Variants in SOX5 observed in about 807,000 individuals in gnomAD.
SOX5 encodes SRY-box transcription factor 5, also known as transcription factor SOX-5.
SOX5 carries 9 observed loss-of-function variants against 92.0 expected under a neutral mutation model. The observed-to-expected ratio is 0.10, with a 90% CI of 0.06 to 0.17. SOX5 has a LOEUF of 0.17. Ranked by LOEUF, SOX5 falls within the 10% of genes least tolerant of loss-of-function variation. The pLI is 1.00. For missense variants in SOX5, 642 were observed against 944.5 expected (o/e 0.68, Z 4.20); for synonymous variants, 344 against 336.3 (o/e 1.02, Z -0.25).
At position 23,543,308 on chromosome 12, in the gene SOX5, A is replaced by T. The variant is rs771503938; in HGVS notation, c.1674T>A (p.Arg558=). 6.2e-7 allele frequency: 1 copy of T among 1,613,844 alleles called. No individual in the cohort carries two copies. Among genetic ancestry groups the T allele is most frequent in the Admixed American group, 1.7e-5 (1 of 60,020 alleles). ...GRGSNEPHIK[R]PMNAFMVWAK... Reference sequence around the variant, plus strand: ...CCCACACCATGAAGGCATTCATTGGACGCTTTATGTGGGGTTCATTGCTAC... The same window carrying T: ...CCCACACCATGAAGGCATTCATTGGTCGCTTTATGTGGGGTTCATTGCTAC... Residue 558 remains arginine, a synonymous_variant, in exon 13 of 15, where the codon CGT becomes CGA. Transcript: ENST00000451604.
At chr12:23,958,886 T>C (rs1318809596) in intron 4 of SOX5, among the ~76,000 whole-genome samples, 1 of 151,832 alleles carries the variant, frequency 6.6e-6, no homozygotes, top group Non-Finnish European at 1.5e-5. Flanking sequence ...AAAAGTAATA[T>C]GTAGAAATCA....
chr12:24,234,491 C>T (rs771238040), intron 3 of SOX5, among the ~76,000 whole-genome samples: 43 of 152,230 alleles, frequency 2.8e-4, no homozygotes, highest in Non-Finnish European at 4.7e-4. Flanking sequence ...AATTTTCCTG[C>T]CTCAGCCTCC....
chr12:23,548,758 A>G (rs1238927758), intron 11 of SOX5, among the ~76,000 whole-genome samples: 1 of 152,090 alleles, frequency 6.6e-6, no homozygotes, highest in Non-Finnish European at 1.5e-5. Flanking sequence ...AACTGATCCT[A>G]TAAAGCTGAC....
intron 1 of SOX5, among the ~76,000 whole-genome samples, chr12:24,400,859 A>G (rs1020606767): frequency 9.2e-5 from 14 of 152,222 alleles, no homozygotes; most frequent in Non-Finnish European, 4.4e-5. Flanking sequence ...CTAATAGGCA[A>G]ATGACTTTAT....
intron 1 of SOX5, among the ~76,000 whole-genome samples, chr12:24,429,538 A>G (rs977171135): frequency 1.3e-5 from 2 of 152,150 alleles, no homozygotes; most frequent in Admixed American, 6.6e-5. Flanking sequence ...GGAAGCTTCC[A>G]TATAAAATAA....
At chr12:24,304,430 T>C in intron 2 of SOX5, among the ~76,000 whole-genome samples, 1 of 152,144 alleles carries the variant, frequency 6.6e-6, no homozygotes, top group Non-Finnish European at 1.5e-5. Flanking sequence ...AGGAGGAATA[T>C]CTTCAGTGCT....
chr12:23,993,908 TATGTATGC>T (rs1470651968), intron 4 of SOX5, among the ~76,000 whole-genome samples: 24 of 132,386 alleles, frequency 1.8e-4, no homozygotes, highest in Middle Eastern at 4.0e-3. Context: ...TGTATGTATG[TATGTATGC>T]ATGTATGCAT....
chr12:24,377,088 C>T lies in SOX5; in HGVS notation c.-250-8449G>A, dbSNP rs1400991384. ...TTACAGATGTAGATTTGTCATGTTC[C>T]GCATCATTCATCTGACTGAAAACCA... On this transcript the variant is annotated intron_variant, in intron 1 of 4. Coordinates refer to the SOX5 transcript ENST00000446891. Among the ~76,000 whole-genome samples, 7 of 152,048 alleles carry T rather than the reference C, an allele frequency of 4.6e-5. No individual in the cohort carries two copies. The East Asian group carries it at 5.8e-4, about 13-fold the overall frequency.
intron 2 of SOX5, among the ~76,000 whole-genome samples, chr12:23,874,437 T>G (rs1385977510): frequency 1.3e-5 from 2 of 152,138 alleles, no homozygotes; most frequent in Non-Finnish European, 2.9e-5. Context: ...GAAATCTCTG[T>G]GACTTTTGAG....
chr12:24,161,372 T>A (rs2138988392), intron 4 of SOX5, among the ~76,000 whole-genome samples: 1 of 152,182 alleles, frequency 6.6e-6, no homozygotes, highest in Non-Finnish European at 1.5e-5. Flanking sequence ...AGCAGAAATG[T>A]CACATAGGCC....
intron 4 of SOX5, among the ~76,000 whole-genome samples, chr12:24,198,626 G>A (rs1441662629): frequency 6.6e-6 from 1 of 152,058 alleles, no homozygotes; most frequent in Admixed American, 6.5e-5. Flanking sequence ...TTTCACATTT[G>A]GGTCACAAGC....
At chr12:23,585,995 C>A (rs988211725) in intron 9 of SOX5, among the ~76,000 whole-genome samples, 6 of 152,076 alleles carry the variant, frequency 3.9e-5, no homozygotes, top group Non-Finnish European at 5.9e-5. Flanking sequence ...AATACGGCCT[C>A]CTTAAGCCCC....
intron 4 of SOX5, among the ~76,000 whole-genome samples, chr12:23,744,131 T>C (rs1203157879): frequency 6.6e-6 from 1 of 152,090 alleles, no homozygotes; most frequent in East Asian, 1.9e-4. Context: ...TAGCTAACCT[T>C]TTCTTCTCAA....
intron 6 of SOX5, among the ~76,000 whole-genome samples, chr12:23,684,938 G>A (rs994183326): frequency 6.6e-6 from 1 of 152,032 alleles, no homozygotes; most frequent in African/African-American, 2.4e-5. Context: ...GAAAAGTGTG[G>A]GCTGAGCATA....
chr12:23,814,148 G>A (rs1328203246), intron 3 of SOX5, among the ~76,000 whole-genome samples: 1 of 152,096 alleles, frequency 6.6e-6, no homozygotes, highest in Non-Finnish European at 1.5e-5. Flanking sequence ...GTAATAAAAA[G>A]AATGAGAAAA....
At chr12:24,016,396 C>T (rs2136612372) in intron 4 of SOX5, among the ~76,000 whole-genome samples, 1 of 152,102 alleles carries the variant, frequency 6.6e-6, no homozygotes, top group East Asian at 1.9e-4. Context: ...TACAGCTGCA[C>T]ATACTTGAGA....
chr12:24,395,234 G>A (rs1959609213), intron 1 of SOX5, among the ~76,000 whole-genome samples: 1 of 151,440 alleles, frequency 6.6e-6, no homozygotes, highest in East Asian at 1.9e-4. Context: ...TAAGGATGGA[G>A]AACACAGATC....
chr12:24,251,468 T>A (rs1040117383), intron 3 of SOX5, among the ~76,000 whole-genome samples: 6 of 152,160 alleles, frequency 3.9e-5, no homozygotes, highest in Non-Finnish European at 7.3e-5. Context: ...TTTCTTAGGG[T>A]CAGACAGTCT....
intron 2 of SOX5, among the ~76,000 whole-genome samples, chr12:24,277,673 A>C (rs1329058827): frequency 6.6e-6 from 1 of 151,380 alleles, no homozygotes; most frequent in Admixed American, 6.6e-5. Flanking sequence ...CACCACAATT[A>C]ATCTAAAAAC....
Sources: allele counts gnomAD v4.1 joint callset (sites outside exome capture counted in the v4.1 genomes callset), GRCh38; gene constraint gnomAD v4.1.1; transcripts MANE v1.5; gene names NCBI Gene and HGNC (gene_info 2026-07-23, HGNC 2026-07-21).